Variants in NEBL observed in about 807,000 individuals in gnomAD.
The protein encoded by NEBL is LIM and SH3 protein 2.
NEBL carries 122 observed loss-of-function variants against 140.2 expected under a neutral mutation model. The observed-to-expected ratio is 0.87, with a 90% confidence interval of 0.75 to 1.01. The LOEUF is 1.01. Among genes scored for constraint, NEBL ranks in the 50% least tolerant of loss-of-function variants. NEBL has a pLI of 0.00. For missense variants in NEBL, 1,365 were observed against 1,231.3 expected, an observed-to-expected ratio of 1.11 and a Z score of -1.62; for synonymous variants, 436 against 398.9, an observed-to-expected ratio of 1.09 and a Z score of -1.11.
intron 2 of NEBL, among the ~76,000 whole-genome samples, chr10:21,049,587 A>G (rs1240736112): frequency 1.3e-5 from 2 of 152,124 alleles, no homozygotes; most frequent in Non-Finnish European, 2.9e-5. Context: ...TCTCATTCCT[A>G]GAAAACACCT....
At chr10:20,845,135 T>TG (rs1265103431) in intron 12 of NEBL, 123 bp downstream of exon 12, 18 of 638,680 alleles carry the variant, frequency 2.8e-5, no homozygotes, top group Admixed American at 1.1e-4. Flanking sequence ...AAGATCAAAG[T>TG]GAAAAAAAAG....
intron 3 of NEBL, among the ~76,000 whole-genome samples, chr10:21,244,719 A>G (rs909011756): frequency 3.3e-5 from 5 of 152,006 alleles, no homozygotes; most frequent in African/African-American, 1.2e-4. Flanking sequence ...ATAAAAAATA[A>G]ATAAATTAGG....
At chr10:21,087,696 G>T (rs539630750) in intron 2 of NEBL, among the ~76,000 whole-genome samples, 1 of 152,304 alleles carries the variant, frequency 6.6e-6, no homozygotes, top group South Asian at 2.1e-4. Flanking sequence ...GTGACAATTA[G>T]TTCCGCTGTT....
chr10:21,194,921 G>A (rs2132220520), intron 3 of NEBL, among the ~76,000 whole-genome samples: 1 of 151,652 alleles, frequency 6.6e-6, no homozygotes, highest in East Asian at 1.9e-4. Context: ...TAATGATGTA[G>A]ATCAAGGGAA....
intron 2 of NEBL, among the ~76,000 whole-genome samples, chr10:21,086,510 G>T (rs1217980183): frequency 6.6e-6 from 1 of 152,176 alleles, no homozygotes; most frequent in Non-Finnish European, 1.5e-5. Context: ...GGGCATGGTG[G>T]CTCACACCTG....
intron 1 of NEBL, among the ~76,000 whole-genome samples, chr10:21,280,125 G>T (rs754472179): frequency 6.6e-6 from 1 of 152,092 alleles, no homozygotes; most frequent in Non-Finnish European, 1.5e-5. Context: ...GCAGATTAGG[G>T]TCACCTGGGG....
chr10:20,807,947 A>G (rs142310070), intron 26 of NEBL, among the ~76,000 whole-genome samples: 18 of 152,090 alleles, frequency 1.2e-4, no homozygotes, highest in African/African-American at 4.3e-4. Context: ...TAAAATAGTG[A>G]CAAGATTATT....
At position 21,028,235 on chromosome 10, in the gene NEBL, CAAA is replaced by C. The variant is rs1168946872; in HGVS notation, c.165-8037_165-8035del. ...GAGCGAGACTCCATCTCAAACATCTCAAAAAAAAAAAAAAAAAAAAAGAAGAAG... is the reference window on the plus strand; with the variant it reads ...GAGCGAGACTCCATCTCAAACATCTCAAAAAAAAAAAAAAAAAAGAAGAAG... On this transcript the variant is annotated intron_variant, in intron 2 of 6. Coordinates refer to the NEBL transcript ENST00000417816. 7.1e-3 allele frequency among the ~76,000 whole-genome samples: 473 copies of C among 66,200 alleles called. 4 individuals are homozygous for C. The highest frequency in any genetic ancestry group is 0.029 in the African/African-American group (420 of 14,318). The allele number at this position is 66,200 out of a possible 152,430, so 43.4% of individuals were successfully genotyped here. A position where few individuals can be genotyped will look rare whatever the true frequency, so the allele number is the denominator to read the frequency against.
intron 2 of NEBL, among the ~76,000 whole-genome samples, chr10:21,057,340 G>A (rs569943530): frequency 1.3e-5 from 2 of 151,822 alleles, no homozygotes; most frequent in Admixed American, 6.6e-5. Context: ...AGCATCTCAG[G>A]TAAAACAAAA....
chr10:21,098,761 C>T (rs1384886884), intron 2 of NEBL, among the ~76,000 whole-genome samples: 1 of 152,198 alleles, frequency 6.6e-6, no homozygotes, highest in African/African-American at 2.4e-5. Context: ...CCTCCTCTGG[C>T]CAGCTTTCCC....
intron 2 of NEBL, among the ~76,000 whole-genome samples, chr10:21,065,412 C>T (rs1835491425): frequency 6.6e-6 from 1 of 152,104 alleles, no homozygotes; most frequent in South Asian, 2.1e-4. Context: ...ATTAGGTACC[C>T]AGTCTTGACT....
intron 2 of NEBL, among the ~76,000 whole-genome samples, chr10:21,108,407 G>A (rs182585291): frequency 3.8e-3 from 575 of 151,996 alleles, no homozygotes; most frequent in Non-Finnish European, 5.1e-3. Context: ...TTCTGCCTTC[G>A]TTTCATTATT....
intron 4 of NEBL, among the ~76,000 whole-genome samples, chr10:20,916,429 C>A (rs1398137819): frequency 6.6e-6 from 1 of 152,162 alleles, no homozygotes. Flanking sequence ...GGGAAAGGGT[C>A]TCACTCTGTT....
At chr10:21,012,738 GGCCA>G (rs1460781993) in intron 3 of NEBL, among the ~76,000 whole-genome samples, 9 of 151,972 alleles carry the variant, frequency 5.9e-5, no homozygotes, top group Admixed American at 5.9e-4. Context: ...CTAATACAAG[GGCCA>G]GTTACCAGAC....
At chr10:20,879,239 C>T (rs1845794465) in intron 5 of NEBL, among the ~76,000 whole-genome samples, 1 of 152,188 alleles carries the variant, frequency 6.6e-6, no homozygotes. Context: ...TTCTTAGTCT[C>T]ATTTTCCTCA....
chr10:21,117,125 T>C (rs1406491729), intron 2 of NEBL, among the ~76,000 whole-genome samples: 2 of 152,106 alleles, frequency 1.3e-5, no homozygotes, highest in Admixed American at 1.3e-4. Context: ...GCTCTTAAGC[T>C]CTGCCAAGTA....
At position 21,173,757 on chromosome 10, in the gene NEBL, T is replaced by A. The variant is rs1446548045; in HGVS notation, c.69+8A>T. Reference sequence around the variant, plus strand: ...AGGTCCAGGCTGGCCCGGCGCCCCCTCGCTCACCTTATCCAGGCAGTTGAC... The same window carrying A: ...AGGTCCAGGCTGGCCCGGCGCCCCCACGCTCACCTTATCCAGGCAGTTGAC... On this transcript the variant is annotated splice_region_variant and intron_variant, in intron 1 of 6. Transcript: ENST00000417816. The surrounding 1 kb of genome is among the most constrained non-coding windows in gnomAD (Gnocchi z 5.7). The A allele has an allele frequency of 6.2e-7, 1 of 1,611,954 alleles. No homozygotes were observed. The highest frequency in any genetic ancestry group is 1.1e-5 in the South Asian group (1 of 91,038).
At chr10:21,075,642 G>GCCCTCATTTTCCT (rs1478832772) in intron 2 of NEBL, among the ~76,000 whole-genome samples, 3 of 152,136 alleles carry the variant, frequency 2.0e-5, no homozygotes, top group African/African-American at 7.2e-5. Context: ...CTAGAGGGAG[G>GCCCTCATTTTCCT]CCCTCATTTT....
intron 19 of NEBL, among the ~76,000 whole-genome samples, chr10:20,820,170 T>C (rs1839159159): frequency 6.6e-6 from 1 of 152,174 alleles, no homozygotes; most frequent in South Asian, 2.1e-4. Flanking sequence ...TAAAGAAACC[T>C]TGAACTTCAA....
Sources: gnomAD v4.1 joint callset for allele counts (sites outside exome capture counted in the v4.1 genomes callset) on GRCh38, gnomAD v4.1.1 for gene constraint, Gnocchi (gnomAD v3.1) non-coding constraint, MANE v1.5 for transcripts, NCBI Gene and HGNC (gene_info 2026-07-23, HGNC 2026-07-21) for gene names.